DST: variants seen among roughly 807,000 people sequenced by gnomAD.
DST encodes bullous pemphigoid antigen.
DST carries 253 observed loss-of-function variants against 875.2 expected under a neutral mutation model. The observed-to-expected ratio is 0.29, with a 90% CI of 0.26 to 0.32. The LOEUF (loss-of-function observed/expected upper bound fraction) is 0.32. DST is among the 10% of genes least tolerant of loss of function. The probability of loss-of-function intolerance (pLI) is 1.00; values close to 1 mark genes in which losing one functional copy is unlikely to be tolerated. For synonymous variants in DST, 3,124 were observed against 3,197.1 expected, an observed-to-expected ratio of 0.98 and a Z score of 0.77; for missense variants, 8,287 against 9,111.6, an observed-to-expected ratio of 0.91 and a Z score of 3.68.
In DST at chr6:56,508,730, C is replaced by A. The variant is rs2096399592; in HGVS notation, c.19038G>T (p.Met6346Ile). 6.2e-7 allele frequency: 1 copy of A among 1,613,540 alleles called. No homozygotes were observed. The highest frequency in any genetic ancestry group is 2.2e-5 in the East Asian group (1 of 44,870). The change falls in exon 75 of 104, where the codon ATG becomes ATT. Residue 6346 changes from methionine to isoleucine, a missense_variant. Physicochemically the swap from Met to Ile is conservative, Grantham distance 10. Around this residue, in one of 10 missense-constraint regions of DST, gnomAD observed 1,292 missense variants for 1,552.7 expected, o/e 0.83. Transcript: ENST00000680361. ...AKAVQDKLDQMVFIWENIHTL... is the reference protein window; with the variant it reads ...AKAVQDKLDQIVFIWENIHTL... ...TGTGTATGTTCTCCCAAATGAAAAC[C>A]ATTTGGTCAAGCTTATCCTGAACAG...
At chr6:56,698,553 C>A (rs2152872213) in intron 9 of DST, among the ~76,000 whole-genome samples, 1 of 152,278 alleles carries the variant, frequency 6.6e-6, no homozygotes, top group South Asian at 2.1e-4. Context: ...TCTTGATCTC[C>A]TGACCTCATG....
At position 56,714,889 on chromosome 6, in the gene DST, T is replaced by G. The variant is rs1275701507; in HGVS notation, c.688-10520A>C. 2.0e-5 allele frequency among the ~76,000 whole-genome samples: 3 copies of G among 152,240 alleles called. No individual in the cohort carries two copies. Among genetic ancestry groups the G allele is most frequent in the Non-Finnish European group, 4.4e-5 (3 of 68,046 alleles). On this transcript the variant is annotated intron_variant, in intron 5 of 103. Coordinates refer to ENST00000680361, the MANE Select transcript of DST (RefSeq NM_001374736.1). This position sits in a 1 kb window ranked among gnomAD's most constrained non-coding sequence, Gnocchi z 4.5. ...CAGTGATGGTTTCCTTCTTCTGCAC[T>G]CCCATATTCTTTGGATTATACCAGT...
intron 4 of DST, among the ~76,000 whole-genome samples, chr6:56,820,688 A>G (rs2099772077): frequency 6.6e-6 from 1 of 152,206 alleles, no homozygotes; most frequent in South Asian, 2.1e-4. Context: ...TATAAAATCA[A>G]GAGTTTTTCC....
chr6:56,932,705 G>A (rs1048216157), intron 2 of DST, among the ~76,000 whole-genome samples: 1 of 151,854 alleles, frequency 6.6e-6, no homozygotes, highest in East Asian at 1.9e-4. Flanking sequence ...ACAAGGCTAT[G>A]GATACAAGAT....
chr6:56,515,066 G>T (rs1363876439), intron 72 of DST, among the ~76,000 whole-genome samples: 1 of 151,982 alleles, frequency 6.6e-6, no homozygotes, highest in Admixed American at 6.6e-5. Context: ...CTGTATAATG[G>T]TTCTCCCATA....
intron 2 of DST, among the ~76,000 whole-genome samples, chr6:56,932,458 G>T (rs1014018197): frequency 3.9e-5 from 6 of 152,102 alleles, no homozygotes; most frequent in Non-Finnish European, 8.8e-5. Context: ...CTTGACCAGG[G>T]TATTCTGGAA....
intron 15 of DST, chr6:56,643,051 T>C (rs1190210449): frequency 3.1e-6 from 2 of 639,594 alleles, no homozygotes; most frequent in East Asian, 3.7e-5. Context: ...CCTACAAGTA[T>C]GAACAAAGCA....
chr6:56,892,344 G>A (rs58153667), intron 3 of DST, among the ~76,000 whole-genome samples: 1 of 118,926 alleles, frequency 8.4e-6, no homozygotes, highest in Admixed American at 9.8e-5. Context: ...TTTTTTTTCA[G>A]ACAGTGTCTT....
intron 75 of DST, 143 bp from the exon 76 acceptor site, chr6:56,506,932 T>C: frequency 1.2e-6 from 1 of 863,476 alleles, no homozygotes; most frequent in Non-Finnish European, 1.6e-6. Context: ...TGCAATAAAT[T>C]TTTTCAACAA....
rs1384442910 is a variant in DST, at chr6:56,509,748, C to T, written c.18906G>A (p.Val6302=). 1 of 1,613,710 alleles carries T rather than the reference C, an allele frequency of 6.2e-7. No individual in the cohort carries two copies. Among genetic ancestry groups the T allele is most frequent in the Admixed American group, 1.7e-5 (1 of 59,990 alleles). The change falls in exon 74 of 104, where the codon GTG becomes GTA. Residue 6302 remains valine, a synonymous_variant. Coordinates refer to ENST00000680361, the MANE Select transcript of DST (RefSeq NM_001374736.1). ...IKEQISENKN[V]SVDMEKLQPL... Reference sequence around the variant, plus strand: ...GCTGTAGCTTTTCCATGTCTACTGACACATTCTTATTTTCACTGATCTGTT... The same window carrying T: ...GCTGTAGCTTTTCCATGTCTACTGATACATTCTTATTTTCACTGATCTGTT...
intron 3 of DST, among the ~76,000 whole-genome samples, chr6:56,865,034 T>A (rs1229109751): frequency 6.6e-6 from 1 of 152,122 alleles, no homozygotes; most frequent in Non-Finnish European, 1.5e-5. Flanking sequence ...TGCAGAAGTG[T>A]TTTGATAAAA....
intron 10 of DST, among the ~76,000 whole-genome samples, chr6:56,660,613 CAAAAAAAAAAAAAGAAAAAAA>C (rs2099034287): frequency 1.1e-5 from 1 of 89,088 alleles, no homozygotes; most frequent in African/African-American, 4.1e-5. Flanking sequence ...TTGCAATCAC[CAAAAAAAAAAAAAGAAAAAAA>C]AAAAAAGGCC....
At chr6:56,514,611 A>ACACACC (rs1266728284) in intron 72 of DST, among the ~76,000 whole-genome samples, 2 of 143,466 alleles carry the variant, frequency 1.4e-5, no homozygotes, top group African/African-American at 2.7e-5. Context: ...ACACACACAC[A>ACACACC]CCCCCTCATG....
intron 4 of DST, chr6:56,851,107 C>T (rs1306992480): frequency 6.9e-6 from 3 of 436,394 alleles, no homozygotes; most frequent in Non-Finnish European, 1.2e-5. Context: ...GTAACTAATG[C>T]AGTAATTAGG....
rs4256439 is a variant in DST at position 56,532,593 on chromosome 6, G to A, written c.16942-83C>T. 64,031 of 1,313,268 alleles carry A rather than the reference G, an allele frequency of 0.049. 1,917 individuals carry two copies. The highest frequency in any genetic ancestry group is 0.12 in the East Asian group (4,562 of 39,470). The allele number at this position is 1,313,268 out of a possible 1,614,324, so 81.4% of individuals were successfully genotyped here. A position where few individuals can be genotyped will look rare whatever the true frequency, so the allele number is the denominator to read the frequency against. ...ACAATGTATTCTAAGTACATTTGAA[G>A]TATGACAAAAATGTATTTTGTATGT... On this transcript the variant is annotated intron_variant, in intron 63 of 103. Coordinates refer to ENST00000680361, the MANE Select transcript of DST (RefSeq NM_001374736.1).
intron 41 of DST, 43 bp downstream of exon 41, chr6:56,603,521 T>G: frequency 1.3e-6 from 2 of 1,591,584 alleles, no homozygotes; most frequent in Non-Finnish European, 1.7e-6. Flanking sequence ...CAGTCATACA[T>G]CAGCTGACTA....
chr6:56,809,857 GAAC>G (rs1338466926), intron 4 of DST, among the ~76,000 whole-genome samples: 3 of 152,066 alleles, frequency 2.0e-5, no homozygotes, highest in Non-Finnish European at 4.4e-5. Flanking sequence ...GAAATTATAT[GAAC>G]AACTTAAATT....
At chr6:56,560,265 T>C (rs1325289368) in intron 58 of DST, 29 bp downstream of exon 58, 8 of 1,540,828 alleles carry the variant, frequency 5.2e-6, no homozygotes, top group East Asian at 2.3e-5. Flanking sequence ...CTTTTCTTCA[T>C]AGGCATTCAT....
chr6:56,791,981 G>T (rs1305441738), intron 4 of DST, among the ~76,000 whole-genome samples: 1 of 151,998 alleles, frequency 6.6e-6, no homozygotes, highest in Non-Finnish European at 1.5e-5. Context: ...CTGGGGCAGG[G>T]AAAGCACAAA....
Sources: gnomAD v4.1 joint callset for allele counts (sites outside exome capture counted in the v4.1 genomes callset) on GRCh38, gnomAD v4.1.1 for gene constraint, gnomAD v4.1.1 regional missense constraint, Gnocchi (gnomAD v3.1) non-coding constraint, MANE v1.5 for transcripts, NCBI Gene and HGNC (gene_info 2026-07-23, HGNC 2026-07-21) for gene names.